The following BMP8A variants were observed in gnomAD, a reference collection of about 807,000 sequenced individuals.
The protein encoded by BMP8A is bone morphogenetic protein 8a.
A neutral mutation model predicts 36.8 loss-of-function variants in BMP8A; 14 were observed. The ratio of observed to expected loss-of-function variants is 0.38; its 90% CI spans 0.25 to 0.60. BMP8A has a LOEUF of 0.60. Among genes scored for constraint, BMP8A ranks in the 20% least tolerant of loss-of-function variants. BMP8A has a pLI of 0.63. For synonymous variants in BMP8A, 120 were observed against 237.7 expected (o/e 0.50, Z 4.55); for missense variants, 267 against 551.1 (o/e 0.48, Z 5.16).
In BMP8A at chr1:39,492,329, A is replaced by G. The variant is rs1334091127; in HGVS notation, c.334+4A>G. 1 of 1,545,554 alleles carries G rather than the reference A, an allele frequency of 6.5e-7. No homozygotes were observed. Among genetic ancestry groups the G allele is most frequent in the South Asian group, 1.2e-5 (1 of 86,308 alleles). ...GTCATGAGCTTCGTCAACATGGGTG[A>G]GTGCGGCCGCCCGCGCGGGGACCCT... On this transcript the variant is annotated splice_donor_region_variant and intron_variant, in intron 1 of 6. Coordinates refer to ENST00000331593, the MANE Select transcript of BMP8A (RefSeq NM_181809.4).
chr1:39,522,829 C>A (rs1645441658), intron 5 of BMP8A, among the ~76,000 whole-genome samples, 178 bp from the exon 6 acceptor site: 1 of 151,746 alleles, frequency 6.6e-6, no homozygotes, highest in Admixed American at 6.6e-5. Context: ...GGAGGGGACA[C>A]AAAGTGAAGA....
At chr1:39,494,664 C>A (rs1250933102) in intron 1 of BMP8A, among the ~76,000 whole-genome samples, 1 of 152,170 alleles carries the variant, frequency 6.6e-6, no homozygotes, top group Admixed American at 6.6e-5. Flanking sequence ...CACGTGTGAA[C>A]TTTCACAGCC....
chr1:39,507,760 C>T (rs568142025), intron 1 of BMP8A, among the ~76,000 whole-genome samples: 1 of 152,254 alleles, frequency 6.6e-6, no homozygotes, highest in African/African-American at 2.4e-5. Flanking sequence ...TTCGCTGGAC[C>T]ATAACCAAGT....
Position 39,529,527 on chromosome 1 carries a change from C to T in BMP8A, c.*3729C>T, listed in dbSNP as rs1196123279. On this transcript the variant is annotated 3_prime_UTR_variant, in exon 7 of 7. Transcript: ENST00000331593. ...GGAGCTTTCTACCCCAGGTTCCTTT[C>T]CTTACTGAAAAGTCTTGAGCAAACA... Among the ~76,000 whole-genome samples, 3 of 152,226 alleles carry T rather than the reference C, an allele frequency of 2.0e-5. No homozygotes were observed. The highest frequency in any genetic ancestry group is 7.2e-5 in the African/African-American group (3 of 41,472).
rs1229667328 is a variant in BMP8A, at chr1:39,515,720, C to T, written c.673+3816C>T. ...CTTCCCCCCAGAAGACATCCACGTTCCTAACATTTATGTAGGTCGCGTGAT... is the reference window on the plus strand; with the variant it reads ...CTTCCCCCCAGAAGACATCCACGTTTCTAACATTTATGTAGGTCGCGTGAT... On this transcript the variant is annotated intron_variant, in intron 3 of 6. Transcript: ENST00000331593. 3.8e-6 allele frequency: 6 copies of T among 1,576,286 alleles called. No homozygotes were observed. The East Asian group carries it at 1.3e-4, about 35-fold the overall frequency.
chr1:39,518,877 G>C (rs1362067067), intron 3 of BMP8A, among the ~76,000 whole-genome samples: 42 of 135,724 alleles, frequency 3.1e-4, no homozygotes, highest in African/African-American at 1.1e-3. Context: ...GACCCACCTT[G>C]CTCTGGGACC....
rs1368168982 is a variant in BMP8A at position 39,511,224 on chromosome 1, C to G, written c.385C>G (p.Arg129Gly). 2.8e-6 allele frequency: 4 copies of G among 1,447,662 alleles called. No homozygotes were observed. In the South Asian group the frequency reaches 5.3e-5, roughly 19 times the overall value. The allele number at this position is 1,447,662 out of a possible 1,614,324, so 89.7% of individuals were successfully genotyped here. Residue 129 changes from arginine to glycine, a missense_variant, in exon 2 of 7, where the codon CGC (arginine) becomes GGC (glycine). By Grantham distance (125) the Arg-to-Gly change is moderately radical. Coordinates refer to ENST00000331593, the MANE Select transcript of BMP8A (RefSeq NM_181809.4). ...GHQEPHWKEF[R>G]FDLTQIPAGE... is the part of the protein sequence containing the mutation. ...CCAGGAGCCCCATTGGAAGGAGTTCCGCTTTGACCTGACCCAGATCCCGGC... is the reference window on the plus strand; with the variant it reads ...CCAGGAGCCCCATTGGAAGGAGTTCGGCTTTGACCTGACCCAGATCCCGGC...
intron 1 of BMP8A, among the ~76,000 whole-genome samples, chr1:39,503,942 AAAAAC>A (rs778773817): frequency 4.3e-4 from 65 of 152,190 alleles, no homozygotes; most frequent in Non-Finnish European, 7.3e-4. Context: ...CCCTGTCTCA[AAAAAC>A]AAAACAAAAC....
chr1:39,496,132 G>T (rs1283805586), intron 1 of BMP8A, among the ~76,000 whole-genome samples: 1 of 152,154 alleles, frequency 6.6e-6, no homozygotes, highest in Non-Finnish European at 1.5e-5. Flanking sequence ...CACTTCCTTT[G>T]GTTCTTTACC....
chr1:39,526,461 C>T lies in BMP8A; in HGVS notation c.*663C>T, dbSNP rs1645484543. Among the ~76,000 whole-genome samples, 1 of 151,998 alleles carries T rather than the reference C, an allele frequency of 6.6e-6. No individual in the cohort carries two copies. The highest frequency in any genetic ancestry group is 2.4e-5 in the African/African-American group (1 of 41,356). ...TCAAGCAATTCTCGTGCCTCAGCCT[C>T]CTGAGTAGCTGGGATTACAGGGGCC... On this transcript the variant is annotated 3_prime_UTR_variant, in exon 7 of 7. Coordinates refer to ENST00000331593, the MANE Select transcript of BMP8A (RefSeq NM_181809.4).
At chr1:39,523,552 A>G (rs1645451835) in intron 6 of BMP8A, 3 of 1,379,282 alleles carry the variant, frequency 2.2e-6, no homozygotes. Context: ...GTGCGTGTGC[A>G]CTCACCCACC....
intron 1 of BMP8A, among the ~76,000 whole-genome samples, chr1:39,508,178 G>A (rs1482298962): frequency 6.6e-6 from 1 of 151,996 alleles, no homozygotes; most frequent in African/African-American, 2.4e-5. Flanking sequence ...GTGAACCCGG[G>A]AGGCGGAGCT....
At chr1:39,506,499 GC>G (rs373025725) in intron 1 of BMP8A, among the ~76,000 whole-genome samples, 4 of 151,394 alleles carry the variant, frequency 2.6e-5, no homozygotes, top group African/African-American at 9.7e-5. Flanking sequence ...GAGCCACCGC[GC>G]CCCCCCCAAT....
At chr1:39,492,817 G>A (rs1645173018) in intron 1 of BMP8A, among the ~76,000 whole-genome samples, 1 of 152,216 alleles carries the variant, frequency 6.6e-6, no homozygotes. Flanking sequence ...AGCCTGGGTG[G>A]GGTGCGGCTG....
In BMP8A at chr1:39,492,303, G is replaced by A; in HGVS notation, c.312G>A (p.Leu104=). ...AGCAGCGCCTGGGCCGCGCCGACCT[G>A]GTCATGAGCTTCGTCAACATGGGTG... ...PAEQRLGRAD[L]VMSFVNMVER... Residue 104 remains leucine (L), a synonymous_variant, in exon 1 of 7, where the codon CTG becomes CTA. Coordinates refer to ENST00000331593, the MANE Select transcript of BMP8A (RefSeq NM_181809.4). 3 of 1,562,614 alleles carry A rather than the reference G, an allele frequency of 1.9e-6. No homozygotes were observed. The highest frequency in any genetic ancestry group is 1.7e-6 in the Non-Finnish European group (2 of 1,165,678).
intron 1 of BMP8A, among the ~76,000 whole-genome samples, chr1:39,501,708 C>G (rs1045975071): frequency 6.6e-6 from 1 of 152,178 alleles, no homozygotes; most frequent in African/African-American, 2.4e-5. Context: ...AAGTGGTCCT[C>G]CTGCCTGGCC....
chr1:39,505,986 C>CAAA (rs34923451), intron 1 of BMP8A, among the ~76,000 whole-genome samples: 8 of 133,210 alleles, frequency 6.0e-5, no homozygotes, highest in East Asian at 4.9e-4. Flanking sequence ...ACCCTGTCTC[C>CAAA]AAAAAAAAAA....
intron 6 of BMP8A, chr1:39,525,247 G>C (rs575534501): frequency 5.4e-5 from 10 of 184,562 alleles, no homozygotes; most frequent in African/African-American, 1.9e-4. Context: ...CCTCTGGGGG[G>C]GTCTGAAGGG....
Position 39,527,877 on chromosome 1 carries a change from C to T in BMP8A, c.*2079C>T, listed in dbSNP as rs796138071. On this transcript the variant is annotated 3_prime_UTR_variant, in exon 7 of 7. Coordinates refer to ENST00000331593, the MANE Select transcript of BMP8A (RefSeq NM_181809.4). ...TCTTTAATTCCAAAGGCTCTTCCAA[C>T]CCAGAGAACCCATCTGCCCCCATGA... 2.0e-5 allele frequency among the ~76,000 whole-genome samples: 3 copies of T among 152,218 alleles called. No individual in the cohort carries two copies. Among genetic ancestry groups the T allele is most frequent in the African/African-American group, 7.2e-5 (3 of 41,452 alleles).
Sources: allele counts gnomAD v4.1 joint callset (sites outside exome capture counted in the v4.1 genomes callset), GRCh38; gene constraint gnomAD v4.1.1; transcripts MANE v1.5; gene names NCBI Gene and HGNC (gene_info 2026-07-23, HGNC 2026-07-21).